BOLL: variants seen among roughly 807,000 people sequenced by gnomAD.
BOLL encodes the protein protein boule-like.
BOLL carries 23 observed loss-of-function variants against 44.4 expected under a neutral mutation model. That is an observed-to-expected ratio of 0.52 (90% CI 0.37 to 0.73). The LOEUF is 0.73. Ranked by LOEUF, BOLL falls within the 30% of genes least tolerant of loss-of-function variation. The pLI is 0.00. For synonymous variants in BOLL, 97 were observed against 110.8 expected (o/e 0.88, Z 0.78); for missense variants, 287 against 338.3 (o/e 0.85, Z 1.19).
At chr2:197,778,294 C>T (rs907815101) in intron 3 of BOLL, among the ~76,000 whole-genome samples, 1 of 151,910 alleles carries the variant, frequency 6.6e-6, no homozygotes, top group South Asian at 2.1e-4. Context: ...TGTCTCGTCT[C>T]TCTTTCAAGA....
At position 197,727,010 on chromosome 2, in the gene BOLL, C is replaced by A. The variant is rs1312877065; in HGVS notation, c.*1545G>T. 1.3e-5 allele frequency: 2 copies of A among 152,590 alleles called. No individual in the cohort carries two copies. Among genetic ancestry groups the A allele is most frequent in the South Asian group, 2.1e-4 (1 of 4,832 alleles). 9.5% of individuals were successfully genotyped at this position (152,590 alleles called of 1,614,324 possible). On this transcript the variant is annotated 3_prime_UTR_variant, in exon 11 of 11. Transcript: ENST00000392296. ...AAGGATAGTGCTATTAAAAGAAAAT[C>A]TTGAACATCAGTGGTTAGTAATTTT...
At chr2:197,758,383 T>G (rs772780439) in intron 7 of BOLL, among the ~76,000 whole-genome samples, 1 of 152,202 alleles carries the variant, frequency 6.6e-6, no homozygotes, top group Non-Finnish European at 1.5e-5. Context: ...CTTGAAATCA[T>G]TATGCTAAAT....
intron 10 of BOLL, among the ~76,000 whole-genome samples, chr2:197,729,533 T>G (rs770665): frequency 0.72 from 109,838 of 151,936 alleles, 40,826 homozygotes; most frequent in African/African-American, 0.9. Context: ...AACAAAAAGA[T>G]CAGTAACCTC....
At chr2:197,729,639 A>G (rs1250193715) in intron 10 of BOLL, among the ~76,000 whole-genome samples, 1 of 152,208 alleles carries the variant, frequency 6.6e-6, no homozygotes, top group Admixed American at 6.5e-5. Context: ...CTGCCTCCTC[A>G]AGTGGGTCCC....
At chr2:197,760,165 GCCCT>G (rs1483690168) in intron 7 of BOLL, among the ~76,000 whole-genome samples, 3 of 152,244 alleles carry the variant, frequency 2.0e-5, no homozygotes, top group East Asian at 3.9e-4. Flanking sequence ...CTATGAAACA[GCCCT>G]CACAGAAACG....
At chr2:197,742,489 A>G (rs1687791840) in intron 10 of BOLL, among the ~76,000 whole-genome samples, 2 of 152,238 alleles carry the variant, frequency 1.3e-5, no homozygotes, top group Non-Finnish European at 2.9e-5. Flanking sequence ...CAGCCATAAA[A>G]AATGATGAGT....
chr2:197,783,407 G>A (rs1291709627), intron 1 of BOLL, among the ~76,000 whole-genome samples: 1 of 152,166 alleles, frequency 6.6e-6, no homozygotes, highest in African/African-American at 2.4e-5. Flanking sequence ...TTTCAAATTT[G>A]TTCTGCTCTT....
rs1384247652 is a variant in BOLL, at chr2:197,785,060, G to A, written c.-20C>T. 3.0e-6 allele frequency: 3 copies of A among 985,988 alleles called. No individual in the cohort carries two copies. Among genetic ancestry groups the A allele is most frequent in the Non-Finnish European group, 3.6e-6 (3 of 829,938 alleles). The allele number at this position is 985,988 out of a possible 1,614,324, so 61.1% of individuals were successfully genotyped here. A position where few individuals can be genotyped will look rare whatever the true frequency, so the allele number is the denominator to read the frequency against. On this transcript the variant is annotated 5_prime_UTR_variant, in exon 1 of 11. Transcript: ENST00000392296. The surrounding 1 kb of genome is among the most constrained non-coding windows in gnomAD (Gnocchi z 6.7). ...AGCAGGAACGGGCGGGCTAACCGTC[G>A]CAGTCACTGCCTCGGCGCTCCTCCC... is the stretch of plus-strand genomic sequence containing the variant.
Position 197,781,852 on chromosome 2 carries a change from T to G in BOLL, c.-2A>C. ...TGGAGATAATGAATCTGTTTGCATC[T>G]GGTTTGATGTTTGCTGTAAAATAAA... On this transcript the variant is annotated 5_prime_UTR_variant, in exon 2 of 11. Coordinates refer to ENST00000392296, the MANE Select transcript of BOLL (RefSeq NM_033030.6). 1 of 1,593,322 alleles carries G rather than the reference T, an allele frequency of 6.3e-7. No individual in the cohort carries two copies.
chr2:197,766,112 T>A (rs1688986621), intron 7 of BOLL, among the ~76,000 whole-genome samples: 1 of 152,180 alleles, frequency 6.6e-6, no homozygotes, highest in South Asian at 2.1e-4. Flanking sequence ...GCATTCCATG[T>A]CTTTGCTATT....
At chr2:197,773,977 A>G (rs1689389369) in intron 5 of BOLL, 1 of 441,402 alleles carries the variant, frequency 2.3e-6, no homozygotes, top group Admixed American at 2.8e-5. Context: ...AGAATCCCTT[A>G]TTTGTAAATG....
intron 3 of BOLL, 78 bp downstream of exon 3, chr2:197,778,897 G>A (rs1448528268): frequency 2.3e-5 from 29 of 1,257,414 alleles, no homozygotes; most frequent in Non-Finnish European, 3.3e-5. Context: ...TGGAACCAAA[G>A]TAAACTGGCG....
chr2:197,775,730 A>G lies in BOLL; in HGVS notation c.287T>C (p.Leu96Pro). The G allele has an allele frequency of 6.5e-7, 1 of 1,530,230 alleles. No individual in the cohort carries two copies. Among genetic ancestry groups the G allele is most frequent in the Non-Finnish European group, 8.8e-7 (1 of 1,133,762 alleles). The allele number at this position is 1,530,230 out of a possible 1,614,324, so 94.8% of individuals were successfully genotyped here. ...GTTCAGCTTCTTATCCTTATAATTA[A>G]GTTTTTCAGCCTAAAATAAAGAAAA... ...AQKILQEAEK[L>P]NYKDKKLNIG... Residue 96 changes from leucine (L) to proline (P), a missense_variant, in exon 5 of 11, where the codon CTT (leucine) becomes CCT (proline). Physicochemically the swap from Leu to Pro is moderately conservative, Grantham distance 98. Coordinates refer to ENST00000392296, the MANE Select transcript of BOLL (RefSeq NM_033030.6).
At chr2:197,748,831 G>A (rs1688103708) in intron 9 of BOLL, among the ~76,000 whole-genome samples, 2 of 152,228 alleles carry the variant, frequency 1.3e-5, no homozygotes, top group Admixed American at 1.3e-4. Flanking sequence ...AAATGTTCCT[G>A]CCTGCCGGCT....
intron 9 of BOLL, among the ~76,000 whole-genome samples, chr2:197,753,621 A>G (rs1470100510): frequency 6.6e-6 from 1 of 152,216 alleles, no homozygotes; most frequent in African/African-American, 2.4e-5. Flanking sequence ...GCGATCACTA[A>G]AAAGTCAGGA....
rs982752545 is a variant in BOLL at position 197,742,849 on chromosome 2, A to G, written c.828+212T>C. ...TAAAATAAAAATTTTTTAAAAAAGA[A>G]AATTTTTAAGTTGCATATATTACCA... On this transcript the variant is annotated intron_variant, in intron 10 of 10. Coordinates refer to ENST00000392296, the MANE Select transcript of BOLL (RefSeq NM_033030.6). 6.1e-4 allele frequency among the ~76,000 whole-genome samples: 93 copies of G among 152,204 alleles called. 1 individual carries two copies. Among genetic ancestry groups the G allele is most frequent in the African/African-American group, 2.0e-3 (84 of 41,572 alleles).
At chr2:197,768,405 G>T (rs566163498) in intron 6 of BOLL, among the ~76,000 whole-genome samples, 3 of 151,876 alleles carry the variant, frequency 2.0e-5, no homozygotes, top group African/African-American at 7.2e-5. Flanking sequence ...TAAAAGCAAA[G>T]ACATAAGGAT....
chr2:197,754,750 AAC>A lies in BOLL; in HGVS notation c.729+1676_729+1677del, dbSNP rs142614771. 9.0e-3 allele frequency among the ~76,000 whole-genome samples: 1,349 copies of A among 149,950 alleles called. 11 individuals carry two copies. The highest frequency in any genetic ancestry group is 0.031 in the East Asian group (158 of 5,036). On this transcript the variant is annotated intron_variant, in intron 9 of 10. Transcript: ENST00000392296. ...CAAAAAACAAACAAAAAAACCCCAA[AAC>A]ACACACACACACACACACACACACA... is the stretch of plus-strand genomic sequence containing the variant.
intron 10 of BOLL, among the ~76,000 whole-genome samples, chr2:197,728,787 C>T (rs1686970973): frequency 6.6e-6 from 1 of 152,166 alleles, no homozygotes; most frequent in Non-Finnish European, 1.5e-5. Flanking sequence ...AGCTTAGAAT[C>T]TATATTAGAC....
Sources: allele counts gnomAD v4.1 joint callset (sites outside exome capture counted in the v4.1 genomes callset), GRCh38; gene constraint gnomAD v4.1.1; non-coding constraint Gnocchi (gnomAD v3.1); transcripts MANE v1.5; gene names NCBI Gene and HGNC (gene_info 2026-07-23, HGNC 2026-07-21).